TPD52: variants seen among roughly 807,000 people sequenced by gnomAD.
The protein encoded by TPD52 is tumor protein D52, also known as prostate and colon associated protein.
In TPD52, 17 loss-of-function variants were observed where a neutral mutation model predicts 31.3. The ratio of observed to expected loss-of-function variants is 0.54; its 90% CI spans 0.37 to 0.82. The LOEUF is 0.82. Among genes scored for constraint, TPD52 ranks in the 40% least tolerant of loss-of-function variants. The pLI, the probability that TPD52 is intolerant of heterozygous loss-of-function variation, is 0.00. For missense variants in TPD52, 212 were observed against 240.1 expected, an observed-to-expected ratio of 0.88 and a Z score of 0.77; for synonymous variants, 83 against 89.6, an observed-to-expected ratio of 0.93 and a Z score of 0.42.
chr8:80,031,202 G>A (rs568707460), downstream of TPD52, among the ~76,000 whole-genome samples: 1 of 152,272 alleles, frequency 6.6e-6, no homozygotes, highest in East Asian at 1.9e-4. Context: ...CAAGTACTTC[G>A]AGAGAAAGAA....
At chr8:80,147,291 C>T (rs955181797) in intron 1 of TPD52, among the ~76,000 whole-genome samples, 1 of 152,090 alleles carries the variant, frequency 6.6e-6, no homozygotes, top group African/African-American at 2.4e-5. Context: ...AACCATGCAT[C>T]TCAGCAAAAA....
In TPD52 at chr8:80,136,179, T is replaced by TAAAAAAAAAAA. The variant is rs796723826; in HGVS notation, c.19+35245_19+35246insTTTTTTTTTTT. On this transcript the variant is annotated intron_variant, in intron 1 of 7. Coordinates refer to ENST00000518937, the MANE Select transcript of TPD52 (RefSeq NM_001025253.3). ...AAAAAAAAAATTTCAGTCTTTGAGG[T>TAAAAAAAAAAA]TAAAAAAAAAACAAGCACACTCACA... Among the ~76,000 whole-genome samples, 14 of 121,532 alleles carry TAAAAAAAAAAA rather than the reference T, an allele frequency of 1.2e-4. 3 individuals carry two copies. The highest frequency in any genetic ancestry group is 3.2e-4 in the East Asian group (1 of 3,084). The allele number at this position is 121,532 out of a possible 152,430, so 79.7% of individuals were successfully genotyped here.
chr8:80,070,944 T>C (rs1357118253), intron 1 of TPD52, among the ~76,000 whole-genome samples: 1 of 152,162 alleles, frequency 6.6e-6, no homozygotes, highest in Admixed American at 6.6e-5. Context: ...AATCCAATGG[T>C]TCATGTCCTT....
intron 1 of TPD52, among the ~76,000 whole-genome samples, chr8:80,114,959 G>A (rs533718801): frequency 3.9e-5 from 6 of 152,140 alleles, no homozygotes; most frequent in Middle Eastern, 3.2e-3. Flanking sequence ...CTCCACTGAC[G>A]CTAGCTAACT....
intron 1 of TPD52, among the ~76,000 whole-genome samples, chr8:80,101,033 A>G (rs1806691959): frequency 6.6e-6 from 1 of 152,256 alleles, no homozygotes; most frequent in Non-Finnish European, 1.5e-5. Flanking sequence ...TGCCATACCA[A>G]GTGTTACAGT....
At chr8:80,106,286 C>T (rs1020315514) in intron 1 of TPD52, among the ~76,000 whole-genome samples, 18 of 152,216 alleles carry the variant, frequency 1.2e-4, no homozygotes, top group Admixed American at 1.1e-3. Context: ...TTTAAATGTA[C>T]AATTAAGTTA....
chr8:80,151,247 G>A (rs949138811), intron 1 of TPD52, among the ~76,000 whole-genome samples: 3 of 152,198 alleles, frequency 2.0e-5, no homozygotes, highest in African/African-American at 7.2e-5. Flanking sequence ...CCCCAGCCAT[G>A]TGAAGTTGTA....
intron 1 of TPD52, among the ~76,000 whole-genome samples, chr8:80,128,442 C>T: frequency 7.3e-6 from 1 of 137,286 alleles, no homozygotes; most frequent in Non-Finnish European, 1.5e-5. Flanking sequence ...ACTGCTTGAG[C>T]TCAGGAGTTC....
intron 1 of TPD52, among the ~76,000 whole-genome samples, chr8:80,164,052 G>GAGAGAC (rs1554596591): frequency 9.9e-6 from 1 of 100,668 alleles, no homozygotes; most frequent in Admixed American, 1.1e-4. Flanking sequence ...GAGAGAGAGA[G>GAGAGAC]AGACAGACAG....
At chr8:80,053,741 ATAATACT>A (rs1388352627) in intron 2 of TPD52, among the ~76,000 whole-genome samples, 1 of 152,084 alleles carries the variant, frequency 6.6e-6, no homozygotes, top group African/African-American at 2.4e-5. Context: ...TTCTACACAG[ATAATACT>A]TAATAAAGCA....
chr8:80,066,442 T>G (rs1813161255), intron 1 of TPD52, among the ~76,000 whole-genome samples: 1 of 152,192 alleles, frequency 6.6e-6, no homozygotes, highest in Non-Finnish European at 1.5e-5. Flanking sequence ...TGACTGAATA[T>G]AAAATATTTA....
At chr8:80,034,423 C>T (rs1430642300), downstream of TPD52, among the ~76,000 whole-genome samples, 1 of 152,160 alleles carries the variant, frequency 6.6e-6, no homozygotes, top group Non-Finnish European at 1.5e-5. Flanking sequence ...CTGCAACCCC[C>T]CAGCCATGCT....
chr8:80,162,450 C>G (rs1477769662), intron 1 of TPD52, among the ~76,000 whole-genome samples: 1 of 151,958 alleles, frequency 6.6e-6, no homozygotes, highest in Non-Finnish European at 1.5e-5. Flanking sequence ...ACATCTATAA[C>G]CTCTCTAGGA....
intron 1 of TPD52, among the ~76,000 whole-genome samples, chr8:80,137,420 T>C (rs370211342): frequency 4.6e-5 from 2 of 43,144 alleles, no homozygotes; most frequent in Non-Finnish European, 9.4e-5. Flanking sequence ...ATATGTTAGA[T>C]TTTTTTTTTA....
At chr8:80,134,158 GT>G (rs1809225261) in intron 1 of TPD52, among the ~76,000 whole-genome samples, 1 of 152,158 alleles carries the variant, frequency 6.6e-6, no homozygotes, top group Non-Finnish European at 1.5e-5. Flanking sequence ...AAACCATTAA[GT>G]AATTGTAGCT....
intron 1 of TPD52, among the ~76,000 whole-genome samples, chr8:80,075,863 C>A (rs556828047): frequency 6.6e-6 from 1 of 152,196 alleles, no homozygotes; most frequent in East Asian, 1.9e-4. Flanking sequence ...AAGACTGATG[C>A]AATCATGAAA....
chr8:80,078,210 T>C (rs570449347), intron 1 of TPD52, among the ~76,000 whole-genome samples: 1 of 152,322 alleles, frequency 6.6e-6, no homozygotes, highest in South Asian at 2.1e-4. Context: ...ATAGATAAAA[T>C]CTCATTACTT....
intron 1 of TPD52, among the ~76,000 whole-genome samples, chr8:80,147,196 C>G (rs1311542615): frequency 6.6e-6 from 1 of 152,146 alleles, no homozygotes; most frequent in East Asian, 1.9e-4. Context: ...TATCTATACT[C>G]TTGTGTTCAT....
intron 6 of TPD52, chr8:80,042,956 G>A (rs1722199432): frequency 4.3e-6 from 1 of 231,416 alleles, no homozygotes; most frequent in Admixed American, 5.5e-5. Context: ...AACGAAGCCG[G>A]GTAAAATAGC....
Sources: allele counts gnomAD v4.1 joint callset (sites outside exome capture counted in the v4.1 genomes callset), GRCh38; gene constraint gnomAD v4.1.1; transcripts MANE v1.5; gene names NCBI Gene and HGNC (gene_info 2026-07-23, HGNC 2026-07-21).